The following SLC66A2 variants were observed in gnomAD, a reference collection of about 807,000 sequenced individuals.
The protein encoded by SLC66A2 is solute carrier family 66 member 2, also known as PQ loop repeat containing 1.
A neutral mutation model predicts 25.5 loss-of-function variants in SLC66A2; 23 were observed. The observed-to-expected ratio is 0.90, with a 90% CI of 0.65 to 1.28. SLC66A2 has a LOEUF of 1.28. Among genes scored for constraint, SLC66A2 ranks in the 50% most tolerant of loss-of-function variants. The probability of loss-of-function intolerance (pLI) is 0.00; values close to 1 mark genes in which losing one functional copy is unlikely to be tolerated. For missense variants in SLC66A2, 396 were observed against 373.1 expected, an observed-to-expected ratio of 1.06 and a Z score of -0.51; for synonymous variants, 193 against 166.5, an observed-to-expected ratio of 1.16 and a Z score of -1.23.
chr18:79,924,101 T>C (rs890744925), intron 4 of SLC66A2, among the ~76,000 whole-genome samples: 1 of 151,100 alleles, frequency 6.6e-6, no homozygotes, highest in Non-Finnish European at 1.5e-5. Flanking sequence ...AATTCGTGCA[T>C]TTACCACTGC....
chr18:79,923,790 G>A (rs1046834256), intron 4 of SLC66A2, among the ~76,000 whole-genome samples: 2 of 152,196 alleles, frequency 1.3e-5, no homozygotes, highest in Admixed American at 1.3e-4. Context: ...GCTCACACCT[G>A]TCATCCCAGC....
At chr18:79,919,021 C>T (rs1036409650) in intron 5 of SLC66A2, among the ~76,000 whole-genome samples, 163 bp downstream of exon 5, 4 of 152,374 alleles carry the variant, frequency 2.6e-5, no homozygotes, top group East Asian at 1.9e-4. Context: ...AGCGCGAGGT[C>T]GAGGGGCCAA....
At chr18:79,943,195 C>T in intron 3 of SLC66A2, 134 bp downstream of exon 3, 1 of 1,074,122 alleles carries the variant, frequency 9.3e-7, no homozygotes, top group Non-Finnish European at 1.3e-6. Flanking sequence ...AAAACACTAT[C>T]AGCTGGAGAT....
At position 79,904,034 on chromosome 18, in the gene SLC66A2, C is replaced by G; in HGVS notation, c.758G>C (p.Arg253Pro). 1.2e-6 allele frequency: 2 copies of G among 1,605,056 alleles called. No homozygotes were observed. The highest frequency in any genetic ancestry group is 2.2e-5 in the South Asian group (2 of 90,636). The change falls in exon 6 of 6, where the codon CGC becomes CCC. Residue 253 changes from arginine to proline, a missense_variant. Coordinates refer to ENST00000397778, the MANE Select transcript of SLC66A2 (RefSeq NM_025078.5). This position sits in a 1 kb window ranked among gnomAD's most constrained non-coding sequence, Gnocchi z 6.3. ...AILGQAYAFA[R>P]HPQKPAPHAV... ...GTGGGGCGCCGGCTTCTGGGGGTGG[C>G]GGGCGAAGGCGTAGGCCTGCCCCAG... is the stretch of plus-strand genomic sequence containing the variant.
intron 5 of SLC66A2, among the ~76,000 whole-genome samples, chr18:79,910,620 T>C (rs1982970749): frequency 6.6e-6 from 1 of 152,248 alleles, no homozygotes; most frequent in Non-Finnish European, 1.5e-5. Context: ...AATTTAACAT[T>C]TTCTCATTCT....
chr18:79,938,509 A>G (rs942559158), intron 3 of SLC66A2, among the ~76,000 whole-genome samples: 1 of 152,164 alleles, frequency 6.6e-6, no homozygotes, highest in African/African-American at 2.4e-5. Context: ...TTGGGAAAAC[A>G]TCTCAGTGGA....
chr18:79,943,597 G>GGAGA, intron 2 of SLC66A2, 135 bp from the exon 3 acceptor site: 1 of 1,053,964 alleles, frequency 9.5e-7, no homozygotes, highest in South Asian at 1.6e-5. Context: ...ACCTGCAGCC[G>GGAGA]GAGAGACCCT....
chr18:79,935,063 C>G (rs1986942345), intron 3 of SLC66A2, among the ~76,000 whole-genome samples: 1 of 149,122 alleles, frequency 6.7e-6, no homozygotes, highest in Non-Finnish European at 1.5e-5. Flanking sequence ...AGCTCGTCCT[C>G]TCTGTTGCTT....
At chr18:79,924,036 C>CCAAA (rs1985614374) in intron 4 of SLC66A2, among the ~76,000 whole-genome samples, 1 of 94,942 alleles carries the variant, frequency 1.1e-5, no homozygotes. Flanking sequence ...GACCTGGTCT[C>CCAAA]AAAAAAAAAA....
intron 3 of SLC66A2, among the ~76,000 whole-genome samples, chr18:79,939,737 G>A (rs1397989159): frequency 1.4e-5 from 2 of 145,922 alleles, no homozygotes; most frequent in Non-Finnish European, 3.1e-5. Context: ...AGATGCTGGT[G>A]GGGTTGTGAA....
intron 2 of SLC66A2, among the ~76,000 whole-genome samples, chr18:79,945,632 G>C (rs72984218): frequency 0.13 from 19,570 of 152,228 alleles, 1,326 homozygotes; most frequent in East Asian, 0.22. Flanking sequence ...CAAAGAGGCA[G>C]CTTGAACAGG....
intron 4 of SLC66A2, among the ~76,000 whole-genome samples, chr18:79,926,510 C>T (rs1985968416): frequency 6.6e-6 from 1 of 152,122 alleles, no homozygotes; most frequent in Admixed American, 6.5e-5. Context: ...TCGGGACCCA[C>T]AGATCGCACA....
At chr18:79,929,938 AAC>A (rs1233663145) in intron 4 of SLC66A2, among the ~76,000 whole-genome samples, 6 of 152,168 alleles carry the variant, frequency 3.9e-5, no homozygotes, top group Non-Finnish European at 7.3e-5. Flanking sequence ...AAGAAAAAAG[AAC>A]ACAGTCTCAG....
rs559298856 is a variant in SLC66A2 at position 79,918,415 on chromosome 18, G to A, written c.608+769C>T. Reference sequence around the variant, plus strand: ...GGGGGGCGGATCCCCAGTGAGGAGCGGGCCCGGGGGGGGGTCCCCAGTGAG... The same window carrying A: ...GGGGGGCGGATCCCCAGTGAGGAGCAGGCCCGGGGGGGGGTCCCCAGTGAG... On this transcript the variant is annotated intron_variant, in intron 5 of 5. Transcript: ENST00000397778. This position sits in a 1 kb window ranked among gnomAD's most constrained non-coding sequence, Gnocchi z 4.0. 4.7e-4 allele frequency among the ~76,000 whole-genome samples: 54 copies of A among 113,762 alleles called. 1 individual carries two copies. Among genetic ancestry groups the A allele is most frequent in the African/African-American group, 1.3e-3 (49 of 37,568 alleles). The allele number at this position is 113,762 out of a possible 152,430, so 74.6% of individuals were successfully genotyped here.
At chr18:79,912,084 CAA>C (rs1393632622) in intron 5 of SLC66A2, among the ~76,000 whole-genome samples, 10 of 21,944 alleles carry the variant, frequency 4.6e-4, no homozygotes, top group Non-Finnish European at 1.1e-4. Flanking sequence ...AGGGAGGGGA[CAA>C]GAGCAGGAAG....
intron 5 of SLC66A2, 77 bp downstream of exon 5, chr18:79,919,107 G>A (rs746711547): frequency 2.7e-5 from 35 of 1,310,010 alleles, no homozygotes; most frequent in Middle Eastern, 2.3e-4. Context: ...ACACACAGGC[G>A]TTTGATTTTT....
intron 2 of SLC66A2, among the ~76,000 whole-genome samples, chr18:79,946,080 C>T (rs1326245864): frequency 1.3e-5 from 2 of 152,154 alleles, no homozygotes. Flanking sequence ...AATGACGAGA[C>T]GGAGGAGGAG....
chr18:79,926,621 C>T (rs1344287972), intron 4 of SLC66A2, among the ~76,000 whole-genome samples: 1 of 151,990 alleles, frequency 6.6e-6, no homozygotes, highest in Non-Finnish European at 1.5e-5. Context: ...CCTCCTGGGC[C>T]ACACTGCTCA....
At chr18:79,934,113 C>G in intron 3 of SLC66A2, 91 bp from the exon 4 acceptor site, 1 of 947,994 alleles carries the variant, frequency 1.1e-6, no homozygotes. Context: ...GTTCCCAGAA[C>G]TTTTTGCATT....
Sources: allele counts gnomAD v4.1 joint callset (sites outside exome capture counted in the v4.1 genomes callset), GRCh38; gene constraint gnomAD v4.1.1; non-coding constraint Gnocchi (gnomAD v3.1); transcripts MANE v1.5; gene names NCBI Gene and HGNC (gene_info 2026-07-23, HGNC 2026-07-21).